CAMTA1: variants seen among roughly 807,000 people sequenced by gnomAD.
The protein encoded by CAMTA1 is calmodulin binding transcription activator 1, also known as calmodulin-binding transcription activator 1.
Under a neutral mutation model 170.9 loss-of-function variants are expected in CAMTA1, and 27 were observed. That is an observed-to-expected ratio of 0.16 (90% CI 0.12 to 0.22). The LOEUF is 0.22. Among genes scored for constraint, CAMTA1 ranks in the 10% least tolerant of loss-of-function variants. The pLI, the probability that CAMTA1 is intolerant of heterozygous loss-of-function variation, is 1.00. For missense variants in CAMTA1, 1,619 were observed against 2,217.2 expected, an observed-to-expected ratio of 0.73 and a Z score of 5.42; for synonymous variants, 833 against 891.5, an observed-to-expected ratio of 0.93 and a Z score of 1.17.
At chr1:7,111,098 G>A (rs139805514) in intron 4 of CAMTA1, among the ~76,000 whole-genome samples, 5 of 152,324 alleles carry the variant, frequency 3.3e-5, no homozygotes, top group African/African-American at 1.2e-4. Context: ...TTGAGAGCCA[G>A]CCACGGAGCA....
chr1:7,703,759 T>C (rs2096468547), intron 11 of CAMTA1, among the ~76,000 whole-genome samples: 2 of 152,300 alleles, frequency 1.3e-5, no homozygotes, highest in Admixed American at 1.3e-4. Flanking sequence ...TCAGGCACTT[T>C]CTCTGTGCGA....
At chr1:7,436,089 G>A (rs1362804858) in intron 5 of CAMTA1, among the ~76,000 whole-genome samples, 2 of 152,216 alleles carry the variant, frequency 1.3e-5, no homozygotes, top group Admixed American at 6.5e-5. Context: ...ATGGCAGCTC[G>A]AGCCACAGCC....
chr1:6,989,138 C>T (rs1470988421), intron 3 of CAMTA1, among the ~76,000 whole-genome samples: 1 of 152,182 alleles, frequency 6.6e-6, no homozygotes, highest in Non-Finnish European at 1.5e-5. Flanking sequence ...CCATCTCCCA[C>T]CTCCACCACC....
intron 5 of CAMTA1, among the ~76,000 whole-genome samples, chr1:7,266,126 T>C (rs2149379042): frequency 6.6e-6 from 1 of 152,382 alleles, no homozygotes; most frequent in South Asian, 2.1e-4. Flanking sequence ...TTGCCTTCAT[T>C]GCTTATGCAG....
At chr1:6,958,130 A>G (rs777409754) in intron 3 of CAMTA1, among the ~76,000 whole-genome samples, 2 of 152,190 alleles carry the variant, frequency 1.3e-5, no homozygotes, top group Non-Finnish European at 2.9e-5. Flanking sequence ...CTGAATGAAA[A>G]TGGTAAGTGT....
At chr1:7,369,297 C>G (rs115354887) in intron 5 of CAMTA1, among the ~76,000 whole-genome samples, 1,635 of 152,272 alleles carry the variant, frequency 0.011, 33 homozygotes, top group African/African-American at 0.036. Flanking sequence ...TATCTGGCTA[C>G]TTAGGGGAAG....
chr1:6,867,619 G>T (rs1175292298), intron 3 of CAMTA1, among the ~76,000 whole-genome samples: 1 of 152,142 alleles, frequency 6.6e-6, no homozygotes, highest in Non-Finnish European at 1.5e-5. Context: ...TTTTTATCAT[G>T]CTAGAAAGAC....
intron 5 of CAMTA1, among the ~76,000 whole-genome samples, chr1:7,255,165 A>C (rs914352712): frequency 6.6e-6 from 1 of 152,190 alleles, no homozygotes; most frequent in Non-Finnish European, 1.5e-5. Context: ...GAGGGAGAGC[A>C]TTAGGAGAAA....
chr1:7,452,546 C>G (rs2092851937), intron 5 of CAMTA1, among the ~76,000 whole-genome samples: 1 of 152,206 alleles, frequency 6.6e-6, no homozygotes, highest in Non-Finnish European at 1.5e-5. Context: ...CCCTCTGCCT[C>G]TAGCGACCAC....
chr1:6,790,967 A>T (rs1469371827), intron 1 of CAMTA1, among the ~76,000 whole-genome samples: 1 of 152,100 alleles, frequency 6.6e-6, no homozygotes, highest in Non-Finnish European at 1.5e-5. Context: ...CTCCTGTGTG[A>T]GGTTTGTAAT....
At chr1:6,805,931 T>C (rs1644464838) in intron 1 of CAMTA1, among the ~76,000 whole-genome samples, 2 of 152,106 alleles carry the variant, frequency 1.3e-5, no homozygotes, top group Admixed American at 6.5e-5. Flanking sequence ...TAAGAAACCA[T>C]TGTCATATCC....
chr1:7,740,683 C>T (rs554791103), intron 16 of CAMTA1, among the ~76,000 whole-genome samples: 2 of 152,272 alleles, frequency 1.3e-5, no homozygotes, highest in East Asian at 3.9e-4. Flanking sequence ...TTGTAAAGGG[C>T]ATATGTATGA....
chr1:7,079,598 A>G (rs1639750978), intron 3 of CAMTA1, among the ~76,000 whole-genome samples: 2 of 151,920 alleles, frequency 1.3e-5, no homozygotes, highest in African/African-American at 2.4e-5. Flanking sequence ...CAGCCTCCCA[A>G]GTAGCTGGAA....
intron 11 of CAMTA1, among the ~76,000 whole-genome samples, chr1:7,691,124 T>C (rs1022024225): frequency 3.3e-5 from 5 of 152,136 alleles, no homozygotes; most frequent in African/African-American, 1.2e-4. Context: ...GATGGTGACT[T>C]CTCGAGGAGG....
At position 7,682,566 on chromosome 1, in the gene CAMTA1, G is replaced by T. The variant is rs531282928; in HGVS notation, c.2914+4833G>T. Among the ~76,000 whole-genome samples, 1 of 152,366 alleles carries T rather than the reference G, an allele frequency of 6.6e-6. No homozygotes were observed. Among genetic ancestry groups the T allele is most frequent in the South Asian group, 2.1e-4 (1 of 4,830 alleles). On this transcript the variant is annotated intron_variant, in intron 11 of 22. Coordinates refer to ENST00000303635, the MANE Select transcript of CAMTA1 (RefSeq NM_015215.4). This position sits in a 1 kb window ranked among gnomAD's most constrained non-coding sequence, Gnocchi z 5.0. ...GTCCCTGGCATGTGGCTGTGGTCCTGCTGGCCTTTCCTTGTGGGCTGATTC... is the reference window on the plus strand; with the variant it reads ...GTCCCTGGCATGTGGCTGTGGTCCTTCTGGCCTTTCCTTGTGGGCTGATTC...
chr1:7,093,871 G>T lies in CAMTA1; in HGVS notation c.302+2500G>T, dbSNP rs1231899801. 6.6e-6 allele frequency among the ~76,000 whole-genome samples: 1 copy of T among 152,172 alleles called. No individual in the cohort carries two copies. Among genetic ancestry groups the T allele is most frequent in the Admixed American group, 6.5e-5 (1 of 15,284 alleles). ...CATCTTAGCTCCTTTAAAAGCCCTG[G>T]TTTTTCTTCTTCATATAGAAAATGG... On this transcript the variant is annotated intron_variant, in intron 4 of 22. Transcript: ENST00000303635. This position sits in a 1 kb window ranked among gnomAD's most constrained non-coding sequence, Gnocchi z 4.6.
At chr1:7,231,669 G>A (rs374282375) in intron 4 of CAMTA1, among the ~76,000 whole-genome samples, 5 of 152,172 alleles carry the variant, frequency 3.3e-5, no homozygotes, top group East Asian at 3.9e-4. Flanking sequence ...CACTGCACCC[G>A]GCCGAGATTT....
chr1:7,528,132 G>T (rs548472177), intron 6 of CAMTA1, among the ~76,000 whole-genome samples: 1 of 152,242 alleles, frequency 6.6e-6, no homozygotes, highest in Admixed American at 6.5e-5. Context: ...GGAAGAAAAA[G>T]CTTGCTCTCT....
intron 5 of CAMTA1, among the ~76,000 whole-genome samples, chr1:7,384,778 C>T (rs938540594): frequency 5.3e-5 from 8 of 152,206 alleles, no homozygotes; most frequent in East Asian, 3.9e-4. Context: ...GGCAGAGCTG[C>T]GGCTTTGGAG....
Sources: gnomAD v4.1 joint callset for allele counts (sites outside exome capture counted in the v4.1 genomes callset) on GRCh38, gnomAD v4.1.1 for gene constraint, Gnocchi (gnomAD v3.1) non-coding constraint, MANE v1.5 for transcripts, NCBI Gene and HGNC (gene_info 2026-07-23, HGNC 2026-07-21) for gene names.